The following ORC4 variants were observed in gnomAD, a reference collection of about 807,000 sequenced individuals.
ORC4 encodes origin recognition complex, subunit 4 homolog.
In ORC4, 55 loss-of-function variants were observed where a neutral mutation model predicts 63.9. That is an observed-to-expected ratio of 0.86 (90% CI 0.69 to 1.08). ORC4 has a LOEUF of 1.08. ORC4 is among the 50% of genes least tolerant of loss of function. The pLI, the probability that ORC4 is intolerant of heterozygous loss-of-function variation, is 0.00. For missense variants in ORC4, 511 were observed against 504.4 expected, an observed-to-expected ratio of 1.01 and a Z score of -0.13; for synonymous variants, 150 against 168.5, an observed-to-expected ratio of 0.89 and a Z score of 0.85.
chr2:147,976,487 C>T (rs1245312681), intron 1 of ORC4, among the ~76,000 whole-genome samples: 1 of 152,146 alleles, frequency 6.6e-6, no homozygotes, highest in African/African-American at 2.4e-5. Context: ...ACTGAACCTA[C>T]AATACCTCCA....
rs979917127 is a variant in ORC4 at position 147,933,018 on chromosome 2, T to C, written c.*2492A>G. 5 of 151,962 alleles carry C rather than the reference T, an allele frequency of 3.3e-5. No individual in the cohort carries two copies. The highest frequency in any genetic ancestry group is 1.2e-4 in the African/African-American group (5 of 41,290). 9.4% of individuals were successfully genotyped at this position (151,962 alleles called of 1,614,324 possible). ...TATTCATTCCCCAGAGCCTTTCACA[T>C]GCACGAGAATCAGTCATTTTAACAA... On this transcript the variant is annotated 3_prime_UTR_variant, in exon 14 of 14. Transcript: ENST00000392857.
chr2:148,001,755 A>G (rs1238193310), intron 1 of ORC4, among the ~76,000 whole-genome samples: 1 of 152,198 alleles, frequency 6.6e-6, no homozygotes, highest in Non-Finnish European at 1.5e-5. Context: ...ATTCACACAT[A>G]ACAATATTAA....
intron 9 of ORC4, 96 bp from the exon 10 acceptor site, chr2:147,943,618 A>T: frequency 1.4e-6 from 1 of 697,440 alleles, no homozygotes. Flanking sequence ...GTACCTTAGT[A>T]ACTCTATCTA....
At chr2:147,988,174 C>G (rs1691342810) in intron 1 of ORC4, among the ~76,000 whole-genome samples, 2 of 151,942 alleles carry the variant, frequency 1.3e-5, no homozygotes, top group Non-Finnish European at 2.9e-5. Flanking sequence ...TACTTGGTCT[C>G]TGTATCAGCA....
intron 1 of ORC4, among the ~76,000 whole-genome samples, chr2:147,997,011 T>C (rs1456219293): frequency 1.3e-5 from 2 of 152,316 alleles, no homozygotes; most frequent in Middle Eastern, 3.4e-3. Flanking sequence ...AAGAGTGTCC[T>C]TCAATATGTG....
chr2:147,971,672 A>T (rs1425645455), intron 4 of ORC4, among the ~76,000 whole-genome samples: 1 of 152,030 alleles, frequency 6.6e-6, no homozygotes, highest in Non-Finnish European at 1.5e-5. Context: ...ACCCAAAATA[A>T]CAGTGAATTC....
intron 1 of ORC4, among the ~76,000 whole-genome samples, chr2:148,010,848 C>CTTTTTTTT (rs201359357): frequency 3.0e-5 from 3 of 98,530 alleles, no homozygotes; most frequent in East Asian, 6.0e-4. Flanking sequence ...CAGATTTATT[C>CTTTTTTTT]TTTTTTTTTT....
In ORC4 at chr2:147,938,452, T is replaced by G. The variant is rs1688182967; in HGVS notation, c.959-59A>C. 4 of 963,998 alleles carry G rather than the reference T, an allele frequency of 4.1e-6. No homozygotes were observed. The South Asian group carries it at 5.2e-5, about 12-fold the overall frequency. The allele number at this position is 963,998 out of a possible 1,614,324, so 59.7% of individuals were successfully genotyped here. On this transcript the variant is annotated intron_variant, in intron 11 of 13. Transcript: ENST00000392857. ...ATGACATATAAGACTGAAATAACTGTTCTCCAAAGAATACAATATAGTGAA... is the reference window on the plus strand; with the variant it reads ...ATGACATATAAGACTGAAATAACTGGTCTCCAAAGAATACAATATAGTGAA...
In ORC4 at chr2:147,935,618, C is replaced by T. The variant is rs1423418785; in HGVS notation, c.1203G>A (p.Leu401=). 1 of 1,613,512 alleles carries T rather than the reference C, an allele frequency of 6.2e-7. No homozygotes were observed. Residue 401 remains leucine, a synonymous_variant, in exon 14 of 14, where the codon CTG becomes CTA. Transcript: ENST00000392857. ...GAGTATTATCCAAAAGCAGTTTCATCAGCTGGTACTCTCTCTGTGAATTTC... is the reference window on the plus strand; with the variant it reads ...GAGTATTATCCAAAAGCAGTTTCATTAGCTGGTACTCTCTCTGTGAATTTC... ...TSGNSQREYQ[L]MKLLLDNTQI...
At chr2:147,980,289 C>T (rs1690804363) in intron 1 of ORC4, among the ~76,000 whole-genome samples, 1 of 151,836 alleles carries the variant, frequency 6.6e-6, no homozygotes, top group Non-Finnish European at 1.5e-5. Context: ...TAGCTATTTA[C>T]AAAGCACTTA....
At position 147,935,417 on chromosome 2, in the gene ORC4, T is replaced by C. The variant is rs1276606031; in HGVS notation, c.*93A>G. ...TCTCACATAAATACAAGAATGTTTA[T>C]AGAATGTTTAGCATATCATGTTAAT... is the stretch of plus-strand genomic sequence containing the variant. On this transcript the variant is annotated 3_prime_UTR_variant, in exon 14 of 14. Coordinates refer to ENST00000392857, the MANE Select transcript of ORC4 (RefSeq NM_181741.4). The C allele has an allele frequency of 5.4e-6, 5 of 931,150 alleles. No individual in the cohort carries two copies. In the East Asian group the frequency reaches 7.3e-5, roughly 14 times the overall value. The allele number at this position is 931,150 out of a possible 1,614,324, so 57.7% of individuals were successfully genotyped here.
At chr2:148,001,728 C>A (rs761376836) in intron 1 of ORC4, among the ~76,000 whole-genome samples, 2 of 152,128 alleles carry the variant, frequency 1.3e-5, no homozygotes, top group Non-Finnish European at 2.9e-5. Flanking sequence ...CAGCTAGCAT[C>A]ATAATGATAG....
At chr2:148,002,262 C>A (rs943775481) in intron 1 of ORC4, among the ~76,000 whole-genome samples, 1 of 152,112 alleles carries the variant, frequency 6.6e-6, no homozygotes, top group Admixed American at 6.6e-5. Context: ...ACCAAGTGGA[C>A]CTAATAGACA....
intron 1 of ORC4, among the ~76,000 whole-genome samples, chr2:147,994,505 G>A (rs1691812360): frequency 6.6e-6 from 1 of 152,126 alleles, no homozygotes; most frequent in African/African-American, 2.4e-5. Context: ...CAAATCAAGG[G>A]AACAAAACAG....
chr2:147,934,076 C>T lies in ORC4; in HGVS notation c.*1434G>A, dbSNP rs2105243330. On this transcript the variant is annotated 3_prime_UTR_variant, in exon 14 of 14. Transcript: ENST00000392857. ...AGGAATCCACTGTTGAACTTCAGGT[C>T]TTAATAGCACTGGCTTTGGTGCTAA... The T allele has an allele frequency of 6.6e-6, 1 of 152,270 alleles. No homozygotes were observed. The highest frequency in any genetic ancestry group is 1.5e-5 in the Non-Finnish European group (1 of 68,020). 9.4% of individuals were successfully genotyped at this position (152,270 alleles called of 1,614,324 possible).
chr2:147,987,510 T>C (rs376564302), intron 1 of ORC4, among the ~76,000 whole-genome samples: 41 of 151,980 alleles, frequency 2.7e-4, no homozygotes, highest in East Asian at 1.4e-3. Context: ...AAAAGAACCA[T>C]GTACCTCAGC....
At chr2:148,011,033 C>T (rs535530939) in intron 1 of ORC4, among the ~76,000 whole-genome samples, 264 of 151,578 alleles carry the variant, frequency 1.7e-3, no homozygotes, top group Non-Finnish European at 2.9e-3. Flanking sequence ...TTCACCATGT[C>T]GGCCAGGCTG....
rs758072262 is a variant in ORC4 at position 147,975,945 on chromosome 2, T to A, written c.14A>T (p.Lys5Ile). 1.3e-6 allele frequency: 2 copies of A among 1,587,534 alleles called. No individual in the cohort carries two copies. The highest frequency in any genetic ancestry group is 2.2e-5 in the South Asian group (2 of 90,506). ...GTGAATTAAGCTGTTACTCTTTGAT[T>A]TACGACTGCTCATTTCAACAAATTC... Reference protein sequence around the residue: MSSRKSKSNSLIHTE... With the variant: MSSRISKSNSLIHTE... The change falls in exon 2 of 14, where the codon AAA becomes ATA. Residue 5 changes from lysine (K) to isoleucine (I), a missense_variant. Coordinates refer to ENST00000392857, the MANE Select transcript of ORC4 (RefSeq NM_181741.4).
chr2:147,974,891 G>A (rs1243796448), intron 2 of ORC4, among the ~76,000 whole-genome samples: 5 of 148,718 alleles, frequency 3.4e-5, no homozygotes, highest in South Asian at 2.1e-4. Flanking sequence ...GCTAGATAAA[G>A]CTACAGTGAC....
Sources: gnomAD v4.1 joint callset for allele counts (sites outside exome capture counted in the v4.1 genomes callset) on GRCh38, gnomAD v4.1.1 for gene constraint, MANE v1.5 for transcripts, NCBI Gene and HGNC (gene_info 2026-07-23, HGNC 2026-07-21) for gene names.